Variants in NCAM2 observed in about 807,000 individuals in gnomAD.
NCAM2 encodes the protein neural cell adhesion molecule 2.
NCAM2 carries 30 observed loss-of-function variants against 98.1 expected under a neutral mutation model. The observed-to-expected ratio is 0.31, with a 90% CI of 0.23 to 0.41. The LOEUF is 0.41. NCAM2 is among the 10% of genes least tolerant of loss of function. The probability of loss-of-function intolerance (pLI) is 1.00; values close to 1 mark genes in which losing one functional copy is unlikely to be tolerated. For missense variants in NCAM2, 867 were observed against 1,005.8 expected (o/e 0.86, Z 1.87); for synonymous variants, 368 against 342.4 (o/e 1.07, Z -0.83).
intron 1 of NCAM2, among the ~76,000 whole-genome samples, chr21:21,122,439 T>C (rs1217344313): frequency 1.3e-5 from 2 of 152,100 alleles, no homozygotes; most frequent in East Asian, 1.9e-4. Flanking sequence ...TGTCTCATTA[T>C]ATTCATTGTG....
At position 21,284,391 on chromosome 21, in the gene NCAM2, G is replaced by A; in HGVS notation, c.328G>A (p.Glu110Lys). 1 of 1,607,178 alleles carries A rather than the reference G, an allele frequency of 6.2e-7. No individual in the cohort carries two copies. Among genetic ancestry groups the A allele is most frequent in the Non-Finnish European group, 8.5e-7 (1 of 1,174,428 alleles). ...GQTQEATVVLEIYQKLTFREV... is the reference protein window; with the variant it reads ...GQTQEATVVLKIYQKLTFREV... ...AACACAAGAAGCTACAGTAGTTTTGGAAATTTACCGTAAGTAATGTATTTA... is the reference window on the plus strand; with the variant it reads ...AACACAAGAAGCTACAGTAGTTTTGAAAATTTACCGTAAGTAATGTATTTA... The change falls in exon 3 of 18, where the codon GAA becomes AAA. Residue 110 changes from glutamate (E) to lysine (K), a missense_variant. This residue lies in a region of NCAM2 where 447 missense variants were observed against 495.7 expected (regional missense o/e 0.90). Coordinates refer to ENST00000400546, the MANE Select transcript of NCAM2 (RefSeq NM_004540.5).
intron 1 of NCAM2, among the ~76,000 whole-genome samples, chr21:21,151,614 C>T (rs1000883945): frequency 1.3e-5 from 2 of 151,902 alleles, no homozygotes; most frequent in African/African-American, 2.4e-5. Context: ...GTGGCATACA[C>T]GTACAGGATT....
At chr21:21,328,481 C>T (rs1031311674) in intron 6 of NCAM2, among the ~76,000 whole-genome samples, 1 of 151,542 alleles carries the variant, frequency 6.6e-6, no homozygotes. Flanking sequence ...TTATTGCCCC[C>T]AAAAGACCTT....
chr21:21,068,656 C>T (rs2065494179), intron 1 of NCAM2, among the ~76,000 whole-genome samples: 1 of 152,054 alleles, frequency 6.6e-6, no homozygotes, highest in African/African-American at 2.4e-5. Flanking sequence ...TAAGGGGTTT[C>T]ACCATGTTGG....
intron 1 of NCAM2, among the ~76,000 whole-genome samples, chr21:21,087,548 C>A (rs963093022): frequency 1.3e-5 from 2 of 152,152 alleles, no homozygotes; most frequent in Non-Finnish European, 2.9e-5. Context: ...CCTGACCTCT[C>A]CCTTGTGGTT....
chr21:21,368,840 G>T (rs1333468231), intron 8 of NCAM2, among the ~76,000 whole-genome samples: 1 of 151,764 alleles, frequency 6.6e-6, no homozygotes, highest in Non-Finnish European at 1.5e-5. Context: ...TTTTCCTGCA[G>T]TGTGAGTGAT....
chr21:21,237,832 A>G (rs537675657), intron 1 of NCAM2, among the ~76,000 whole-genome samples: 1 of 152,058 alleles, frequency 6.6e-6, no homozygotes, highest in Non-Finnish European at 1.5e-5. Context: ...CATATTTAGC[A>G]TTACTTGGTA....
intron 1 of NCAM2, among the ~76,000 whole-genome samples, chr21:21,242,047 T>C (rs943381712): frequency 6.6e-6 from 1 of 152,176 alleles, no homozygotes; most frequent in East Asian, 1.9e-4. Context: ...GCCATTACAC[T>C]AAAATTGTCA....
intron 1 of NCAM2, among the ~76,000 whole-genome samples, chr21:21,205,186 T>C (rs764263663): frequency 6.6e-6 from 1 of 152,214 alleles, no homozygotes; most frequent in Non-Finnish European, 1.5e-5. Flanking sequence ...CGACAAAAAT[T>C]AAATATATTT....
chr21:21,212,414 A>G (rs2069691657), intron 1 of NCAM2, among the ~76,000 whole-genome samples: 1 of 152,202 alleles, frequency 6.6e-6, no homozygotes, highest in Non-Finnish European at 1.5e-5. Context: ...GTGAGAAGGA[A>G]ATGAGTGTGA....
chr21:21,207,961 T>C, intron 1 of NCAM2, among the ~76,000 whole-genome samples: 1 of 152,176 alleles, frequency 6.6e-6, no homozygotes, highest in East Asian at 1.9e-4. Flanking sequence ...TTGTGCTTTT[T>C]AATGGGTTCT....
chr21:21,470,826 C>T (rs1984350974), intron 14 of NCAM2, among the ~76,000 whole-genome samples: 1 of 151,986 alleles, frequency 6.6e-6, no homozygotes, highest in African/African-American at 2.4e-5. Context: ...CATCTTAGAG[C>T]TACTATCATT....
At chr21:21,441,123 T>A (rs1399920962) in intron 12 of NCAM2, among the ~76,000 whole-genome samples, 2 of 152,226 alleles carry the variant, frequency 1.3e-5, no homozygotes, top group African/African-American at 4.8e-5. Flanking sequence ...GTGTTTCTGC[T>A]TCAGCAGTAG....
intron 12 of NCAM2, among the ~76,000 whole-genome samples, chr21:21,434,260 A>C (rs1353281907): frequency 6.6e-6 from 1 of 152,228 alleles, no homozygotes; most frequent in African/African-American, 2.4e-5. Context: ...TATTATGAAG[A>C]TACAAAATGA....
At position 21,444,632 on chromosome 21, in the gene NCAM2, A is replaced by G. The variant is rs1048139806; in HGVS notation, c.1654+12351A>G. Among the ~76,000 whole-genome samples, 6 of 152,196 alleles carry G rather than the reference A, an allele frequency of 3.9e-5. No homozygotes were observed. In the South Asian group the frequency reaches 6.2e-4, roughly 16 times the overall value. On this transcript the variant is annotated intron_variant, in intron 12 of 17. Transcript: ENST00000400546. ...CTAGTTTCTTTGCATAGAGGTGTTT[A>G]TAGTATTCTCTGATGGTAGTTTGAA...
At chr21:21,357,486 T>G (rs1421386627) in intron 8 of NCAM2, among the ~76,000 whole-genome samples, 2 of 152,158 alleles carry the variant, frequency 1.3e-5, no homozygotes, top group Non-Finnish European at 2.9e-5. Context: ...CCATAATTAT[T>G]GATTTAAAAT....
At chr21:21,226,224 G>A (rs550798354) in intron 1 of NCAM2, among the ~76,000 whole-genome samples, 1 of 151,914 alleles carries the variant, frequency 6.6e-6, no homozygotes, top group African/African-American at 2.4e-5. Context: ...CTACTGGGAC[G>A]ACAGGATTAT....
intron 12 of NCAM2, among the ~76,000 whole-genome samples, chr21:21,442,124 C>T (rs1979375660): frequency 6.6e-6 from 1 of 151,992 alleles, no homozygotes; most frequent in South Asian, 2.1e-4. Context: ...AGAGGCAGTC[C>T]TTTGGGGTGT....
At chr21:21,307,472 TAATA>T (rs778793808) in intron 5 of NCAM2, among the ~76,000 whole-genome samples, 8 of 152,300 alleles carry the variant, frequency 5.3e-5, no homozygotes, top group Non-Finnish European at 7.3e-5. Context: ...CAGCAGAAAT[TAATA>T]ATTAGGTCAG....
Sources: gnomAD v4.1 joint callset for allele counts (sites outside exome capture counted in the v4.1 genomes callset) on GRCh38, gnomAD v4.1.1 for gene constraint, gnomAD v4.1.1 regional missense constraint, MANE v1.5 for transcripts, NCBI Gene and HGNC (gene_info 2026-07-23, HGNC 2026-07-21) for gene names.